The following TAFA4 variants were observed in gnomAD, a reference collection of about 807,000 sequenced individuals.
TAFA4 encodes the protein TAFA chemokine like family member 4.
In TAFA4, 20 loss-of-function variants were observed where a neutral mutation model predicts 21.1. That is an observed-to-expected ratio of 0.95 (90% confidence interval 0.67 to 1.38). TAFA4 has a LOEUF of 1.38. TAFA4 is among the 40% of genes most tolerant of loss of function. The probability of loss-of-function intolerance (pLI) is 0.00; values close to 1 mark genes in which losing one functional copy is unlikely to be tolerated. For missense variants in TAFA4, 211 were observed against 180.9 expected (o/e 1.17, Z -0.95); for synonymous variants, 71 against 67.4 (o/e 1.05, Z -0.26).
chr3:68,832,786 T>C (rs4855345), intron 3 of TAFA4, among the ~76,000 whole-genome samples: 106,261 of 152,206 alleles, frequency 0.7, 37,670 homozygotes, highest in East Asian at 0.99. Flanking sequence ...ATGCCCTGCC[T>C]CCAGAGGCGG....
intron 1 of TAFA4, among the ~76,000 whole-genome samples, chr3:68,905,315 G>A (rs141185577): frequency 0.018 from 2,796 of 151,864 alleles, 50 homozygotes; most frequent in South Asian, 0.062. Flanking sequence ...AACTACTGGC[G>A]CTTGCCACTA....
intron 3 of TAFA4, among the ~76,000 whole-genome samples, chr3:68,802,510 C>T (rs1018232644): frequency 6.6e-6 from 1 of 150,718 alleles, no homozygotes; most frequent in African/African-American, 2.4e-5. Context: ...AAATTTAGTG[C>T]ACTAGAAGAT....
rs562111098 is a variant in TAFA4, at chr3:68,747,032, G to A, written c.286+5831C>T. 5.6e-4 allele frequency among the ~76,000 whole-genome samples: 85 copies of A among 152,226 alleles called. 3 individuals carry two copies. The South Asian group carries it at 0.013, about 23-fold the overall frequency. On this transcript the variant is annotated intron_variant, in intron 4 of 5. Coordinates refer to ENST00000295569, the MANE Select transcript of TAFA4 (RefSeq NM_182522.5). Reference sequence around the variant, plus strand: ...CAAATATCCCCAAGGGGGCAAAATCGCCCCTGGTTGAGAAACTGATCTACA... The same window carrying A: ...CAAATATCCCCAAGGGGGCAAAATCACCCCTGGTTGAGAAACTGATCTACA...
chr3:68,814,068 CAT>C (rs1703904356), intron 3 of TAFA4, among the ~76,000 whole-genome samples: 1 of 152,182 alleles, frequency 6.6e-6, no homozygotes, highest in South Asian at 2.1e-4. Flanking sequence ...ACAAAAACCA[CAT>C]GATTATCTCA....
chr3:68,740,998 G>A (rs1702338818), intron 4 of TAFA4, among the ~76,000 whole-genome samples: 1 of 152,092 alleles, frequency 6.6e-6, no homozygotes, highest in South Asian at 2.1e-4. Flanking sequence ...TGTTCCATGG[G>A]TCTACATGTC....
chr3:68,865,398 A>C (rs1328207467), intron 3 of TAFA4, among the ~76,000 whole-genome samples: 2 of 152,026 alleles, frequency 1.3e-5, no homozygotes, highest in East Asian at 3.9e-4. Context: ...ACCTGATGGA[A>C]GGCAATTGAA....
intron 1 of TAFA4, among the ~76,000 whole-genome samples, chr3:68,887,510 G>A (rs76243885): frequency 0.012 from 1,884 of 152,226 alleles, 40 homozygotes; most frequent in African/African-American, 0.043. Context: ...CTCTGTGGTG[G>A]CTCCTCCCTT....
At chr3:68,842,870 C>T (rs1456939836) in intron 3 of TAFA4, among the ~76,000 whole-genome samples, 1 of 152,018 alleles carries the variant, frequency 6.6e-6, no homozygotes, top group African/African-American at 2.4e-5. Context: ...TTTCTGAGGC[C>T]TCTGTTCTGT....
chr3:68,808,467 C>G (rs966786545), intron 3 of TAFA4, among the ~76,000 whole-genome samples: 1 of 152,116 alleles, frequency 6.6e-6, no homozygotes, highest in Non-Finnish European at 1.5e-5. Flanking sequence ...TAGACCCAAC[C>G]TACCTTAAAA....
intron 3 of TAFA4, among the ~76,000 whole-genome samples, chr3:68,775,464 G>T (rs952793853): frequency 2.0e-5 from 3 of 152,080 alleles, no homozygotes; most frequent in Non-Finnish European, 2.9e-5. Flanking sequence ...CATTCAGAAA[G>T]CCCCACCCTT....
Position 68,803,797 on chromosome 3 carries a change from C to CTTT in TAFA4, c.131-50782_131-50780dup, listed in dbSNP as rs386396961. On this transcript the variant is annotated intron_variant, in intron 3 of 5. Coordinates refer to ENST00000295569, the MANE Select transcript of TAFA4 (RefSeq NM_182522.5). ...TTTAAGGGTCTCTACATCTCTGATTCTTTTTTTTTTTTTTTTTTTTTTTGT... is the reference window on the plus strand; with the variant it reads ...TTTAAGGGTCTCTACATCTCTGATTCTTTTTTTTTTTTTTTTTTTTTTTTTTGT... Among the ~76,000 whole-genome samples the CTTT allele has an allele frequency of 7.1e-3, 578 of 81,578 alleles. 65 individuals are homozygous for CTTT. The highest frequency in any genetic ancestry group is 0.016 in the African/African-American group (325 of 19,888). The allele number at this position is 81,578 out of a possible 152,430, so 53.5% of individuals were successfully genotyped here. A position where few individuals can be genotyped will look rare whatever the true frequency, so the allele number is the denominator to read the frequency against.
At chr3:68,846,529 A>C (rs981890863) in intron 3 of TAFA4, among the ~76,000 whole-genome samples, 1 of 151,992 alleles carries the variant, frequency 6.6e-6, no homozygotes, top group African/African-American at 2.4e-5. Context: ...CAACTCGTCA[A>C]ACTCATTCTC....
rs141308695 is a variant in TAFA4 at position 68,898,601 on chromosome 3, G to A, written c.-122-13291C>T. 3.1e-3 allele frequency among the ~76,000 whole-genome samples: 476 copies of A among 152,326 alleles called. 1 individual carries two copies. Among genetic ancestry groups the A allele is most frequent in the African/African-American group, 0.011 (438 of 41,580 alleles). On this transcript the variant is annotated intron_variant, in intron 1 of 5. Coordinates refer to ENST00000295569, the MANE Select transcript of TAFA4 (RefSeq NM_182522.5). The stretch of plus-strand genomic sequence containing the variant: ...GCAGAGGTTGCAGTGAGCCAAGATC[G>A]TGCCACTGCACTCAAACCTGGGTGA...
intron 4 of TAFA4, among the ~76,000 whole-genome samples, chr3:68,743,774 A>T (rs1315158740): frequency 6.6e-6 from 1 of 152,150 alleles, no homozygotes; most frequent in Non-Finnish European, 1.5e-5. Context: ...AGCTTCCCTC[A>T]GAGTTAGTAA....
chr3:68,869,767 A>G (rs1437379285), intron 3 of TAFA4, among the ~76,000 whole-genome samples: 1 of 152,038 alleles, frequency 6.6e-6, no homozygotes, highest in African/African-American at 2.4e-5. Flanking sequence ...GCTTGGGGGG[A>G]AATTGAAAGA....
chr3:68,805,188 A>C (rs1477536541), intron 3 of TAFA4, among the ~76,000 whole-genome samples: 5 of 152,232 alleles, frequency 3.3e-5, no homozygotes, highest in Admixed American at 2.6e-4. Flanking sequence ...ACACAGCCAA[A>C]ATACACATGA....
intron 3 of TAFA4, among the ~76,000 whole-genome samples, chr3:68,810,631 G>A (rs566482882): frequency 1.2e-4 from 18 of 152,016 alleles, no homozygotes; most frequent in Admixed American, 1.1e-3. Context: ...GGGGAGGGGC[G>A]CCCACCATTG....
chr3:68,776,296 G>C (rs1420418279), intron 3 of TAFA4, among the ~76,000 whole-genome samples: 1 of 152,074 alleles, frequency 6.6e-6, no homozygotes, highest in Non-Finnish European at 1.5e-5. Context: ...TGAGAAACAG[G>C]AAAATTAAAA....
At chr3:68,748,046 C>G (rs1702491383) in intron 4 of TAFA4, among the ~76,000 whole-genome samples, 1 of 152,166 alleles carries the variant, frequency 6.6e-6, no homozygotes, top group Non-Finnish European at 1.5e-5. Flanking sequence ...GGGGCAGCAT[C>G]CCTGACCACC....
Sources: gnomAD v4.1 joint callset for allele counts (sites outside exome capture counted in the v4.1 genomes callset) on GRCh38, gnomAD v4.1.1 for gene constraint, MANE v1.5 for transcripts, NCBI Gene and HGNC (gene_info 2026-07-23, HGNC 2026-07-21) for gene names.